MARCHF1: variants seen among roughly 807,000 people sequenced by gnomAD.
MARCHF1 encodes E3 ubiquitin-protein ligase MARCHF1.
A neutral mutation model predicts 54.2 loss-of-function variants in MARCHF1; 40 were observed. That is an observed-to-expected ratio of 0.74 (90% confidence interval 0.57 to 0.96). The LOEUF (loss-of-function observed/expected upper bound fraction) is 0.96, where lower values mean the gene tolerates loss of function less well. Ranked by LOEUF, MARCHF1 falls within the 40% of genes least tolerant of loss-of-function variation. MARCHF1 has a pLI of 0.00. For missense variants in MARCHF1, 586 were observed against 656.5 expected (o/e 0.89, Z 1.17); for synonymous variants, 236 against 236.3 (o/e 1.00, Z 0.01).
intron 1 of MARCHF1, among the ~76,000 whole-genome samples, chr4:164,146,937 T>C (rs936541296): frequency 6.7e-6 from 1 of 149,932 alleles, no homozygotes; most frequent in African/African-American, 2.5e-5. Flanking sequence ...GACAAAGGGC[T>C]AATATCCAGA....
At chr4:163,598,130 T>C (rs1419088982) in intron 7 of MARCHF1, among the ~76,000 whole-genome samples, 1 of 152,232 alleles carries the variant, frequency 6.6e-6, no homozygotes, top group Admixed American at 6.5e-5. Context: ...TATGTGAGAT[T>C]CTGCTGCACT....
intron 3 of MARCHF1, among the ~76,000 whole-genome samples, chr4:163,947,760 A>G (rs1332059798): frequency 6.6e-6 from 1 of 152,230 alleles, no homozygotes; most frequent in East Asian, 1.9e-4. Flanking sequence ...CGTAGCTTAT[A>G]TTGTCTAGAA....
intron 1 of MARCHF1, among the ~76,000 whole-genome samples, chr4:164,328,143 T>C (rs1204582967): frequency 1.3e-5 from 2 of 152,186 alleles, no homozygotes; most frequent in Non-Finnish European, 2.9e-5. Flanking sequence ...TGGAGAAAAT[T>C]CTAAAATTAG....
chr4:164,244,241 A>G (rs1003640060), intron 1 of MARCHF1, among the ~76,000 whole-genome samples: 12 of 152,010 alleles, frequency 7.9e-5, no homozygotes, highest in South Asian at 2.1e-4. Context: ...AAAGAACAGA[A>G]ATTATAACAA....
intron 7 of MARCHF1, 51 bp from the exon 8 acceptor site, chr4:163,585,980 G>C: frequency 1.3e-6 from 2 of 1,505,394 alleles, no homozygotes; most frequent in South Asian, 1.3e-5. Flanking sequence ...AACATTTCTC[G>C]CCTGTGTTAT....
chr4:164,325,333 TTATATATATA>T (rs58385154), intron 1 of MARCHF1, among the ~76,000 whole-genome samples: 5 of 138,460 alleles, frequency 3.6e-5, no homozygotes, highest in Admixed American at 7.3e-5. Flanking sequence ...TAGACAGAAA[TTATATATATA>T]TATATATATA....
intron 2 of MARCHF1, among the ~76,000 whole-genome samples, chr4:164,022,191 C>T (rs976772372): frequency 3.9e-5 from 6 of 152,156 alleles, no homozygotes; most frequent in Non-Finnish European, 5.9e-5. Context: ...CCAAGACCTC[C>T]TCTTCTTCAT....
chr4:163,752,079 A>C (rs1236069379), intron 4 of MARCHF1, among the ~76,000 whole-genome samples: 1 of 152,206 alleles, frequency 6.6e-6, no homozygotes, highest in Non-Finnish European at 1.5e-5. Context: ...AGGGACTTAT[A>C]ACTCATAGTG....
chr4:164,274,859 G>A (rs1399171147), intron 1 of MARCHF1, among the ~76,000 whole-genome samples: 1 of 150,230 alleles, frequency 6.7e-6, no homozygotes, highest in Admixed American at 6.6e-5. Flanking sequence ...TGTATTTTTA[G>A]TAGAGACGGG....
intron 4 of MARCHF1, among the ~76,000 whole-genome samples, chr4:163,809,935 A>G (rs1321419030): frequency 2.0e-5 from 3 of 152,150 alleles, no homozygotes; most frequent in Non-Finnish European, 2.9e-5. Context: ...AACTACCACA[A>G]AACTTTTTTT....
intron 1 of MARCHF1, among the ~76,000 whole-genome samples, chr4:164,132,537 T>G (rs72985855): frequency 0.016 from 2,369 of 152,280 alleles, 61 homozygotes; most frequent in African/African-American, 0.054. Context: ...CAACTATAAA[T>G]GCAGTTATTT....
chr4:163,619,006 A>G (rs937943140), intron 5 of MARCHF1, among the ~76,000 whole-genome samples: 6 of 152,160 alleles, frequency 3.9e-5, no homozygotes, highest in African/African-American at 1.4e-4. Context: ...AGGCAAGGAC[A>G]AGGATGTGTC....
At chr4:164,283,976 TTAAC>T (rs2111345243) in intron 1 of MARCHF1, among the ~76,000 whole-genome samples, 1 of 151,026 alleles carries the variant, frequency 6.6e-6, no homozygotes, top group South Asian at 2.1e-4. Context: ...GTACTTGTGG[TTAAC>T]TAAGAGAATG....
chr4:164,112,262 T>C (rs187041287), intron 1 of MARCHF1, among the ~76,000 whole-genome samples: 8 of 152,044 alleles, frequency 5.3e-5, no homozygotes, highest in African/African-American at 1.9e-4. Flanking sequence ...TATCCCTTTG[T>C]ATAAAACAAC....
chr4:163,989,265 G>A (rs968522733), intron 2 of MARCHF1, among the ~76,000 whole-genome samples: 1 of 149,416 alleles, frequency 6.7e-6, no homozygotes, highest in Non-Finnish European at 1.5e-5. Context: ...GAAGAGCATC[G>A]CATGAGATCG....
intron 3 of MARCHF1, among the ~76,000 whole-genome samples, chr4:163,902,343 A>G (rs932368201): frequency 2.6e-5 from 4 of 152,202 alleles, no homozygotes; most frequent in Non-Finnish European, 4.4e-5. Context: ...ATTTGATACC[A>G]CAATTAGAGA....
intron 5 of MARCHF1, among the ~76,000 whole-genome samples, chr4:163,657,874 C>A (rs865994013): frequency 1.1e-4 from 16 of 151,866 alleles, no homozygotes; most frequent in South Asian, 8.3e-4. Flanking sequence ...AAAATTGAAC[C>A]CTGGACCCCT....
chr4:164,130,012 G>A (rs1268547561), intron 1 of MARCHF1: 60 of 152,014 alleles, frequency 3.9e-4, no homozygotes, highest in Admixed American at 3.9e-3. Context: ...CCTATGTTCT[G>A]AATTTTCATC....
chr4:164,283,565 T>G (rs1316167851), intron 1 of MARCHF1, among the ~76,000 whole-genome samples: 1 of 150,958 alleles, frequency 6.6e-6, no homozygotes, highest in African/African-American at 2.4e-5. Context: ...TTGAGACATT[T>G]TGATATCCAA....
Sources: gnomAD v4.1 joint callset for allele counts (sites outside exome capture counted in the v4.1 genomes callset) on GRCh38, gnomAD v4.1.1 for gene constraint, MANE v1.5 for transcripts, NCBI Gene and HGNC (gene_info 2026-07-23, HGNC 2026-07-21) for gene names.